Variants in HPRT1 observed in about 807,000 individuals in gnomAD.
HPRT1 encodes the protein hypoxanthine-guanine phosphoribosyltransferase.
In HPRT1, 4 loss-of-function variants were observed where a neutral mutation model predicts 19.0. That is an observed-to-expected ratio of 0.21 (90% CI 0.10 to 0.48). HPRT1 has a LOEUF of 0.48. HPRT1 is among the 20% of genes least tolerant of loss of function. HPRT1 has a pLI of 0.98. For synonymous variants in HPRT1, 53 were observed against 54.9 expected (o/e 0.97, Z 0.15); for missense variants, 65 against 164.0 (o/e 0.40, Z 3.30).
intron 5 of HPRT1, among the ~76,000 whole-genome samples, chrX:134,491,388 G>A: frequency 9.0e-6 from 1 of 111,311 alleles, no homozygotes; most frequent in Non-Finnish European, 1.9e-5. Context: ...ATAGACAGGT[G>A]TTCCTCAACT....
intron 3 of HPRT1, among the ~76,000 whole-genome samples, chrX:134,477,693 A>T (rs1446522433): frequency 9.0e-6 from 1 of 111,495 alleles, no homozygotes; most frequent in African/African-American, 3.3e-5. Flanking sequence ...TTTTTTTTAA[A>T]GACAAGGTCT....
At chrX:134,487,696 A>T (rs2077657202) in intron 4 of HPRT1, among the ~76,000 whole-genome samples, 1 of 112,103 alleles carries the variant, frequency 8.9e-6, no homozygotes, top group Admixed American at 9.5e-5. Flanking sequence ...AACTTCTGTG[A>T]AATTATCTTG....
intron 1 of HPRT1, among the ~76,000 whole-genome samples, chrX:134,464,604 A>G (rs2077592238): frequency 9.1e-6 from 1 of 110,330 alleles, no homozygotes; most frequent in Non-Finnish European, 1.9e-5. Context: ...TTTGAGATGG[A>G]GTCTTGCTCT....
chrX:134,492,064 G>GTT (rs1319754853), intron 5 of HPRT1, among the ~76,000 whole-genome samples: 1 of 83,399 alleles, frequency 1.2e-5, no homozygotes. Flanking sequence ...TATATATATA[G>GTT]TTTTTTTTTT....
chrX:134,474,892 AT>A lies in HPRT1; in HGVS notation c.135-282del, dbSNP rs749972986. 3.6e-5 allele frequency among the ~76,000 whole-genome samples: 4 copies of A among 110,174 alleles called. No individual in the cohort carries two copies. The East Asian group carries it at 1.2e-3, about 32-fold the overall frequency. ...AAGATTTAAAAAAAATTTTTAATGC[AT>A]TTTTTTGAGACAAGGTCTTGCTCTA... On this transcript the variant is annotated intron_variant, in intron 2 of 8. Transcript: ENST00000298556.
Position 134,460,171 on chromosome X carries a change from A to C in HPRT1, c.-141A>C. On this transcript the variant is annotated 5_prime_UTR_variant, in exon 1 of 9. Transcript: ENST00000298556. ...GCGGGGCCTGCTTCTCCTCAGCTTC[A>C]GGCGGCTGCGACGAGCCCTCAGGCG... 1.7e-6 allele frequency: 1 copy of C among 585,646 alleles called. No homozygotes were observed. 48.3% of individuals were successfully genotyped at this position (585,646 alleles called of 1,213,427 possible). A position where few individuals can be genotyped will look rare whatever the true frequency, so the allele number is the denominator to read the frequency against.
intron 1 of HPRT1, among the ~76,000 whole-genome samples, chrX:134,469,944 G>A (rs947530085): frequency 4.5e-5 from 5 of 112,213 alleles, no homozygotes; most frequent in African/African-American, 1.6e-4. Context: ...ATACTTAGTT[G>A]TTGTAAAATA....
rs1312208802 is a variant in HPRT1 at position 134,467,954 on chromosome X, G to A, written c.28-5405G>A. 2.8e-5 allele frequency among the ~76,000 whole-genome samples: 3 copies of A among 108,356 alleles called. No homozygotes were observed. In the Admixed American group the frequency reaches 3.0e-4, roughly 11 times the overall value. The allele number at this position is 108,356 out of a possible 115,157, so 94.1% of individuals were successfully genotyped here. ...CCCTAGTAGCTGGGATTACAGGCCT[G>A]TGCCACCATGCCTGGCTAATTTTTT... On this transcript the variant is annotated intron_variant, in intron 1 of 8. Coordinates refer to ENST00000298556, the MANE Select transcript of HPRT1 (RefSeq NM_000194.3).
chrX:134,460,186 G>T lies in HPRT1; in HGVS notation c.-126G>T, dbSNP rs1228840574. On this transcript the variant is annotated 5_prime_UTR_variant, in exon 1 of 9. Coordinates refer to ENST00000298556, the MANE Select transcript of HPRT1 (RefSeq NM_000194.3). Reference sequence around the variant, plus strand: ...CCTCAGCTTCAGGCGGCTGCGACGAGCCCTCAGGCGAACCTCTCGGCTTTC... The same window carrying T: ...CCTCAGCTTCAGGCGGCTGCGACGATCCCTCAGGCGAACCTCTCGGCTTTC... 10 of 708,531 alleles carry T rather than the reference G, an allele frequency of 1.4e-5. No individual in the cohort carries two copies. Among genetic ancestry groups the T allele is most frequent in the South Asian group, 9.5e-5 (4 of 42,011 alleles). The allele number at this position is 708,531 out of a possible 1,213,427, so 58.4% of individuals were successfully genotyped here.
intron 8 of HPRT1, 48 bp downstream of exon 8, chrX:134,498,732 A>C (rs762261130): frequency 1.2e-6 from 1 of 836,507 alleles, no homozygotes; most frequent in South Asian, 2.0e-5. Flanking sequence ...ACACGCATAA[A>C]AATTTAGGAA....
intron 1 of HPRT1, among the ~76,000 whole-genome samples, chrX:134,462,709 T>C (rs1328271619): frequency 1.8e-5 from 2 of 112,315 alleles, no homozygotes; most frequent in African/African-American, 6.5e-5. Flanking sequence ...TTAGTTTTCT[T>C]TGAACATAAG....
chrX:134,499,720 C>T (rs2077690564), intron 8 of HPRT1, among the ~76,000 whole-genome samples: 1 of 108,868 alleles, frequency 9.2e-6, no homozygotes, highest in Admixed American at 9.8e-5. Flanking sequence ...AGGAGAATGG[C>T]GTGAACCCGG....
rs1413500308 is a variant in HPRT1, at chrX:134,473,228, G to A, written c.28-131G>A. 11 of 493,947 alleles carry A rather than the reference G, an allele frequency of 2.2e-5. No homozygotes were observed. The Middle Eastern group carries it at 1.7e-3, about 77-fold the overall frequency. 40.7% of individuals were successfully genotyped at this position (493,947 alleles called of 1,213,427 possible). On this transcript the variant is annotated intron_variant, in intron 1 of 8. Coordinates refer to ENST00000298556, the MANE Select transcript of HPRT1 (RefSeq NM_000194.3). ...CATAATTCATTATCATACCTACAAA[G>A]TTAACAGTTACTAATATCATCTTAC...
At chrX:134,461,587 T>C (rs1196860650) in intron 1 of HPRT1, among the ~76,000 whole-genome samples, 1 of 112,088 alleles carries the variant, frequency 8.9e-6, no homozygotes, top group Non-Finnish European at 1.9e-5. Flanking sequence ...CTTGGAGTTA[T>C]TGAGAGGATT....
chrX:134,487,566 C>T (rs1225491831), intron 4 of HPRT1, among the ~76,000 whole-genome samples: 2 of 111,185 alleles, frequency 1.8e-5, no homozygotes, highest in African/African-American at 6.6e-5. Context: ...GTCACAGAAC[C>T]AGTAAGTGGT....
intron 2 of HPRT1, among the ~76,000 whole-genome samples, chrX:134,474,264 G>A (rs919952422): frequency 1.8e-5 from 2 of 111,479 alleles, no homozygotes; most frequent in African/African-American, 3.3e-5. Flanking sequence ...TCTTTTACAT[G>A]TTTGGTACTT....
intron 2 of HPRT1, among the ~76,000 whole-genome samples, chrX:134,474,881 A>T (rs1010520796): frequency 4.5e-5 from 5 of 111,155 alleles, no homozygotes; most frequent in African/African-American, 1.3e-4. Flanking sequence ...TTTAAAAAAA[A>T]TTTTTAATGC....
intron 1 of HPRT1, chrX:134,460,657 G>C (rs2077581011): frequency 6.7e-6 from 1 of 148,592 alleles, no homozygotes; most frequent in Admixed American, 8.8e-5. Flanking sequence ...GCCGAGGGCA[G>C]ATTCGGGAAT....
intron 5 of HPRT1, among the ~76,000 whole-genome samples, chrX:134,490,720 C>G (rs2077664236): frequency 9.3e-6 from 1 of 107,158 alleles, no homozygotes; most frequent in African/African-American, 3.4e-5. Context: ...ATGTGGTTCC[C>G]TAGACCAAAA....
Sources: allele counts gnomAD v4.1 joint callset (sites outside exome capture counted in the v4.1 genomes callset), GRCh38; gene constraint gnomAD v4.1.1; transcripts MANE v1.5; gene names NCBI Gene and HGNC (gene_info 2026-07-23, HGNC 2026-07-21).